Variants in PCNX1 observed in about 807,000 individuals in gnomAD.
PCNX1 encodes the protein pecanex-like protein 1.
PCNX1 carries 78 observed loss-of-function variants against 242.2 expected under a neutral mutation model. The ratio of observed to expected loss-of-function variants is 0.32; its 90% CI spans 0.27 to 0.39. PCNX1 has a LOEUF of 0.39. Among genes scored for constraint, PCNX1 ranks in the 10% least tolerant of loss-of-function variants. The pLI, the probability that PCNX1 is intolerant of heterozygous loss-of-function variation, is 1.00. For synonymous variants in PCNX1, 1,024 were observed against 1,032.9 expected, an observed-to-expected ratio of 0.99 and a Z score of 0.17; for missense variants, 2,581 against 2,856.5, an observed-to-expected ratio of 0.90 and a Z score of 2.20.
In PCNX1 at chr14:70,995,983, G is replaced by A. The variant is rs1048318680; in HGVS notation, c.2629+58G>A. On this transcript the variant is annotated intron_variant, in intron 8 of 35. Coordinates refer to ENST00000304743, the MANE Select transcript of PCNX1 (RefSeq NM_014982.3). Reference sequence around the variant, plus strand: ...AAAACTTTAATGCAGCAGATGATGGGTAACAATTGCAGTTCTTTTTTGAGA... The same window carrying A: ...AAAACTTTAATGCAGCAGATGATGGATAACAATTGCAGTTCTTTTTTGAGA... The A allele has an allele frequency of 2.3e-5, 29 of 1,255,422 alleles. No homozygotes were observed. In the African/African-American group the frequency reaches 4.0e-4, roughly 17 times the overall value. The allele number at this position is 1,255,422 out of a possible 1,614,324, so 77.8% of individuals were successfully genotyped here.
At chr14:71,028,162 A>G (rs1430183267) in intron 15 of PCNX1, among the ~76,000 whole-genome samples, 2 of 151,856 alleles carry the variant, frequency 1.3e-5, no homozygotes, top group Non-Finnish European at 2.9e-5. Context: ...ATTGTTAGCA[A>G]TTAGAGCTAC....
chr14:70,986,676 A>G (rs1474308959), intron 6 of PCNX1, among the ~76,000 whole-genome samples: 1 of 152,184 alleles, frequency 6.6e-6, no homozygotes, highest in African/African-American at 2.4e-5. Flanking sequence ...TAATTTTGGT[A>G]CATTTTATGG....
chr14:70,934,605 C>G (rs571199048), intron 1 of PCNX1, among the ~76,000 whole-genome samples: 42 of 152,262 alleles, frequency 2.8e-4, no homozygotes, highest in African/African-American at 9.9e-4. Flanking sequence ...TTTAAGTATA[C>G]TCTTCAGTAG....
chr14:70,934,603 T>C (rs576882097), intron 1 of PCNX1, among the ~76,000 whole-genome samples: 74 of 152,292 alleles, frequency 4.9e-4, no homozygotes, highest in African/African-American at 1.6e-3. Context: ...TTTTTAAGTA[T>C]ACTCTTCAGT....
At chr14:70,959,632 T>A (rs929378440) in intron 2 of PCNX1, among the ~76,000 whole-genome samples, 6 of 151,144 alleles carry the variant, frequency 4.0e-5, no homozygotes, top group African/African-American at 1.5e-4. Context: ...TCTATCATTG[T>A]TGGACATTTG....
intron 1 of PCNX1, among the ~76,000 whole-genome samples, chr14:70,913,854 T>G (rs2056035298): frequency 6.6e-6 from 1 of 152,234 alleles, no homozygotes; most frequent in Non-Finnish European, 1.5e-5. Flanking sequence ...ATATTGCTAT[T>G]GCATATTGTA....
chr14:71,102,301 G>C (rs2062485008), intron 31 of PCNX1, 81 bp downstream of exon 31: 6 of 927,942 alleles, frequency 6.5e-6, no homozygotes, highest in South Asian at 4.6e-5. Flanking sequence ...TTGAGACAGA[G>C]TCTCACTTTG....
intron 34 of PCNX1, 76 bp from the exon 35 acceptor site, chr14:71,109,376 G>A: frequency 7.7e-7 from 1 of 1,299,288 alleles, no homozygotes; most frequent in Non-Finnish European, 1.1e-6. Flanking sequence ...TCTGTGAAAA[G>A]CATTTTGTTT....
chr14:70,957,987 G>A (rs1351779214), intron 2 of PCNX1, among the ~76,000 whole-genome samples: 2 of 152,054 alleles, frequency 1.3e-5, no homozygotes, highest in Non-Finnish European at 2.9e-5. Flanking sequence ...CCATAATATT[G>A]CTGAATATTT....
intron 19 of PCNX1, among the ~76,000 whole-genome samples, chr14:71,044,176 G>A (rs1163636921): frequency 6.6e-6 from 1 of 152,054 alleles, no homozygotes; most frequent in African/African-American, 2.4e-5. Flanking sequence ...CTAGGGGTAC[G>A]GATGCTAGGT....
intron 6 of PCNX1, among the ~76,000 whole-genome samples, chr14:70,978,940 C>T (rs2058757668): frequency 6.6e-6 from 1 of 152,012 alleles, no homozygotes; most frequent in Non-Finnish European, 1.5e-5. Flanking sequence ...CTGGGAATAA[C>T]AAAAATTAGC....
chr14:71,044,501 A>G lies in PCNX1; in HGVS notation c.3868-632A>G, dbSNP rs547101325. ...CTGTGCACTTGGACAAGTATGCATCAAGCTTTTAGGCCTTGTTGTAATTGG... is the reference window on the plus strand; with the variant it reads ...CTGTGCACTTGGACAAGTATGCATCGAGCTTTTAGGCCTTGTTGTAATTGG... On this transcript the variant is annotated intron_variant, in intron 19 of 35. Coordinates refer to ENST00000304743, the MANE Select transcript of PCNX1 (RefSeq NM_014982.3). 3 of 152,392 alleles carry G rather than the reference A, an allele frequency of 2.0e-5. No individual in the cohort carries two copies. In the East Asian group the frequency reaches 5.8e-4, roughly 29 times the overall value. 9.4% of individuals were successfully genotyped at this position (152,392 alleles called of 1,614,324 possible).
At chr14:70,954,984 C>T (rs1347191448) in intron 2 of PCNX1, among the ~76,000 whole-genome samples, 1 of 152,152 alleles carries the variant, frequency 6.6e-6, no homozygotes, top group Non-Finnish European at 1.5e-5. Flanking sequence ...TATCTAGATC[C>T]TATCACTGTG....
rs768055111 is a variant in PCNX1 at position 70,988,668 on chromosome 14, C to T, written c.2413C>T (p.Pro805Ser). The stretch of plus-strand genomic sequence containing the variant: ...GCACAATGCAGGGAGTAACCCTACC[C>T]CTCCTACATTGCTCATCGGATCACC... ...RRHNAGSNPT[P>S]PTLLIGSPLS... The change falls in exon 7 of 36, where the codon CCT (proline) becomes TCT (serine). Residue 805 changes from proline (P) to serine (S), a missense_variant. This residue lies in a region of PCNX1 where 1,204 missense variants were observed against 1,216.7 expected (regional missense o/e 0.99). Transcript: ENST00000304743. The T allele has an allele frequency of 9.3e-6, 15 of 1,613,832 alleles. No individual in the cohort carries two copies. The highest frequency in any genetic ancestry group is 1.1e-5 in the Non-Finnish European group (13 of 1,179,888).
intron 30 of PCNX1, among the ~76,000 whole-genome samples, chr14:71,094,848 T>C (rs2062231357): frequency 6.6e-6 from 1 of 152,142 alleles, no homozygotes; most frequent in Non-Finnish European, 1.5e-5. Flanking sequence ...GGGGGATCAT[T>C]TGAGTCCAAG....
intron 26 of PCNX1, among the ~76,000 whole-genome samples, chr14:71,058,998 T>A (rs919393988): frequency 2.6e-5 from 4 of 152,228 alleles, no homozygotes; most frequent in African/African-American, 4.8e-5. Context: ...TTCCTGCTAC[T>A]GCTGTGACTT....
At position 71,036,015 on chromosome 14, in the gene PCNX1, T is replaced by C. The variant is rs145173584; in HGVS notation, c.3775-50T>C. 1.1e-4 allele frequency: 145 copies of C among 1,285,766 alleles called. 1 individual carries two copies. The East Asian group carries it at 2.9e-3, about 25-fold the overall frequency. 79.6% of individuals were successfully genotyped at this position (1,285,766 alleles called of 1,614,324 possible). A position where few individuals can be genotyped will look rare whatever the true frequency, so the allele number is the denominator to read the frequency against. ...GCCAATTGGGAATAAAGGAAAAAGA[T>C]TTTTAAAAATTTTATGTAATTGTTT... is the stretch of plus-strand genomic sequence containing the variant. On this transcript the variant is annotated intron_variant, in intron 18 of 35. Coordinates refer to ENST00000304743, the MANE Select transcript of PCNX1 (RefSeq NM_014982.3).
intron 12 of PCNX1, among the ~76,000 whole-genome samples, chr14:71,021,040 T>C (rs1331733082): frequency 6.6e-6 from 1 of 152,228 alleles, no homozygotes; most frequent in Non-Finnish European, 1.5e-5. Context: ...TTGCTTGTTT[T>C]TGTCAGGTTT....
intron 3 of PCNX1, among the ~76,000 whole-genome samples, chr14:70,965,175 T>C (rs754092565): frequency 4.6e-5 from 7 of 152,156 alleles, no homozygotes; most frequent in Non-Finnish European, 8.8e-5. Context: ...ACCCATCATT[T>C]CCATTCTTTC....
Sources: allele counts gnomAD v4.1 joint callset (sites outside exome capture counted in the v4.1 genomes callset), GRCh38; gene constraint gnomAD v4.1.1; regional missense constraint gnomAD v4.1.1; transcripts MANE v1.5; gene names NCBI Gene and HGNC (gene_info 2026-07-23, HGNC 2026-07-21).